Variants in RNF220 observed in about 807,000 individuals in gnomAD.
The protein encoded by RNF220 is E3 ubiquitin-protein ligase RNF220.
In RNF220, 7 loss-of-function variants were observed where a neutral mutation model predicts 67.1. The ratio of observed to expected loss-of-function variants is 0.10; its 90% confidence interval spans 0.06 to 0.20. The LOEUF is 0.20. Among genes scored for constraint, RNF220 ranks in the 10% least tolerant of loss-of-function variants. The pLI, the probability that RNF220 is intolerant of heterozygous loss-of-function variation, is 1.00. For missense variants in RNF220, 565 were observed against 740.3 expected (o/e 0.76, Z 2.75); for synonymous variants, 270 against 283.2 (o/e 0.95, Z 0.47).
intron 2 of RNF220, among the ~76,000 whole-genome samples, chr1:44,517,965 G>T (rs1236229822): frequency 6.6e-6 from 1 of 152,030 alleles, no homozygotes; most frequent in African/African-American, 2.4e-5. Context: ...AAATTAGCTG[G>T]GTATAGTGGT....
intron 2 of RNF220, among the ~76,000 whole-genome samples, chr1:44,554,570 A>T (rs1662922185): frequency 6.6e-6 from 1 of 152,066 alleles, no homozygotes; most frequent in Non-Finnish European, 1.5e-5. Flanking sequence ...GCTGAAGGGG[A>T]TCCCATTGAT....
chr1:44,495,376 G>C (rs1210304988), intron 2 of RNF220, among the ~76,000 whole-genome samples: 1 of 152,214 alleles, frequency 6.6e-6, no homozygotes, highest in Non-Finnish European at 1.5e-5. Flanking sequence ...AGGCACGAAG[G>C]TTACAGCAAG....
intron 2 of RNF220, among the ~76,000 whole-genome samples, chr1:44,574,167 GAATA>G (rs1185593992): frequency 1.3e-5 from 2 of 152,104 alleles, no homozygotes; most frequent in Non-Finnish European, 2.9e-5. Context: ...ACGAATGAAT[GAATA>G]AATAAATAAG....
At chr1:44,428,564 T>C (rs1055365430) in intron 2 of RNF220, among the ~76,000 whole-genome samples, 11 of 152,160 alleles carry the variant, frequency 7.2e-5, no homozygotes, top group African/African-American at 2.7e-4. Flanking sequence ...CAAGCGCCGT[T>C]CTCACAGCTG....
chr1:44,645,187 C>T lies in RNF220; in HGVS notation c.1311-34C>T, dbSNP rs769776610. On this transcript the variant is annotated intron_variant, in intron 10 of 14. Coordinates refer to ENST00000361799, the MANE Select transcript of RNF220 (RefSeq NM_018150.4). The surrounding 1 kb of genome is among the most constrained non-coding windows in gnomAD (Gnocchi z 5.0). ...CAGGGCTGTCCTGCCCGCCTTCAGG[C>T]CTCACTTTGTTTTTCCTCCCTCCTT... 6.2e-7 allele frequency: 1 copy of T among 1,613,936 alleles called. No individual in the cohort carries two copies.
rs1314281585 is a variant in RNF220, at chr1:44,480,672, G to A, written c.625+67950G>A. On this transcript the variant is annotated intron_variant, in intron 2 of 14. Transcript: ENST00000361799. ...ATCCCAACACTTTGGGATCACTTGA[G>A]GTCAGGAGTTCAAGACCAGCCTGGC... Among the ~76,000 whole-genome samples the A allele has an allele frequency of 2.6e-5, 4 of 152,134 alleles. No individual in the cohort carries two copies. In the East Asian group the frequency reaches 7.8e-4, roughly 30 times the overall value.
chr1:44,635,727 G>T, intron 7 of RNF220, 139 bp downstream of exon 7: 1 of 1,508,710 alleles, frequency 6.6e-7, no homozygotes, highest in South Asian at 1.3e-5. Context: ...ACTAGCTGCT[G>T]ACTGCCCCTG....
At chr1:44,578,021 G>C (rs1460997145) in intron 2 of RNF220, among the ~76,000 whole-genome samples, 1 of 151,214 alleles carries the variant, frequency 6.6e-6, no homozygotes, top group African/African-American at 2.4e-5. Context: ...GTCCAGGCTG[G>C]TCTTGAATTC....
In RNF220 at chr1:44,412,645, GGAA is replaced by G. The variant is rs772081427; in HGVS notation, c.554_556del (p.Lys185del). ...GGTTCACTAAAGGTTGATGACACTG[GGAA>G]GAAGATTTTTGCTGTCTCTGGCCTC... is the stretch of plus-strand genomic sequence containing the variant. On this transcript the variant is annotated inframe_deletion, in exon 2 of 15. Transcript: ENST00000361799. This position sits in a 1 kb window ranked among gnomAD's most constrained non-coding sequence, Gnocchi z 5.3. 1.6e-5 allele frequency: 26 copies of G among 1,614,028 alleles called. No individual in the cohort carries two copies. Among genetic ancestry groups the G allele is most frequent in the South Asian group, 2.2e-5 (2 of 91,086 alleles).
chr1:44,572,624 T>A lies in RNF220; in HGVS notation c.626-41541T>A, dbSNP rs533541869. On this transcript the variant is annotated intron_variant, in intron 2 of 14. Transcript: ENST00000361799. Reference sequence around the variant, plus strand: ...TACTGTTCCTTCTACCTCCTTCTGATCTGCTGGCCTCTGCAGCAGCAAGAC... The same window carrying A: ...TACTGTTCCTTCTACCTCCTTCTGAACTGCTGGCCTCTGCAGCAGCAAGAC... Among the ~76,000 whole-genome samples, 4 of 152,214 alleles carry A rather than the reference T, an allele frequency of 2.6e-5. No homozygotes were observed. The South Asian group carries it at 8.3e-4, about 32-fold the overall frequency.
intron 2 of RNF220, among the ~76,000 whole-genome samples, chr1:44,430,766 T>C (rs1166546329): frequency 6.6e-6 from 1 of 152,184 alleles, no homozygotes; most frequent in Non-Finnish European, 1.5e-5. Context: ...AGGCTGGTCT[T>C]GAACTCCTGA....
intron 2 of RNF220, among the ~76,000 whole-genome samples, chr1:44,458,517 T>G (rs1000761128): frequency 1.3e-5 from 2 of 152,126 alleles, no homozygotes; most frequent in Non-Finnish European, 2.9e-5. Flanking sequence ...GGCTATTTTA[T>G]ATAAAGCCTT....
At chr1:44,597,674 G>A (rs1195014044) in intron 2 of RNF220, among the ~76,000 whole-genome samples, 1 of 151,852 alleles carries the variant, frequency 6.6e-6, no homozygotes, top group Non-Finnish European at 1.5e-5. Context: ...TCTCCCAGAT[G>A]GCTCCGGCAC....
At chr1:44,590,213 T>C (rs1188711263) in intron 2 of RNF220, among the ~76,000 whole-genome samples, 1 of 152,210 alleles carries the variant, frequency 6.6e-6, no homozygotes, top group Non-Finnish European at 1.5e-5. Flanking sequence ...CCACTCAGCA[T>C]GTTAGAAGGA....
intron 2 of RNF220, among the ~76,000 whole-genome samples, chr1:44,487,696 T>TAATAATAATAAC (rs1557973599): frequency 7.1e-6 from 1 of 140,066 alleles, no homozygotes; most frequent in Admixed American, 7.6e-5. Context: ...ATAATAATAA[T>TAATAATAATAAC]AATAATAATA....
chr1:44,569,816 G>A (rs1385049368), intron 2 of RNF220, among the ~76,000 whole-genome samples: 2 of 152,210 alleles, frequency 1.3e-5, no homozygotes, highest in Admixed American at 1.3e-4. Context: ...TTTCTTTCTA[G>A]ACCACTCCTT....
At chr1:44,543,256 C>T (rs1661824875) in intron 2 of RNF220, among the ~76,000 whole-genome samples, 1 of 152,108 alleles carries the variant, frequency 6.6e-6, no homozygotes, top group Admixed American at 6.5e-5. Context: ...TTGAGCAGAG[C>T]CAGAGTTAAG....
chr1:44,610,905 G>A (rs188066971), intron 2 of RNF220, among the ~76,000 whole-genome samples: 31 of 152,272 alleles, frequency 2.0e-4, no homozygotes, highest in African/African-American at 6.7e-4. Flanking sequence ...CATCCCCAGC[G>A]GTTTTTATGG....
chr1:44,566,826 A>C (rs1664058549), intron 2 of RNF220, among the ~76,000 whole-genome samples: 1 of 152,154 alleles, frequency 6.6e-6, no homozygotes, highest in Admixed American at 6.5e-5. Context: ...CACCCCAGTG[A>C]CCTGTGGTCA....
Sources: gnomAD v4.1 joint callset for allele counts (sites outside exome capture counted in the v4.1 genomes callset) on GRCh38, gnomAD v4.1.1 for gene constraint, Gnocchi (gnomAD v3.1) non-coding constraint, MANE v1.5 for transcripts, NCBI Gene and HGNC (gene_info 2026-07-23, HGNC 2026-07-21) for gene names.